The following ZNF521 variants were observed in gnomAD, a reference collection of about 807,000 sequenced individuals.
The protein encoded by ZNF521 is zinc finger protein 521.
ZNF521 carries 14 observed loss-of-function variants against 105.5 expected under a neutral mutation model. The ratio of observed to expected loss-of-function variants is 0.13; its 90% CI spans 0.09 to 0.21. The LOEUF is 0.21. ZNF521 is among the 10% of genes least tolerant of loss of function. The pLI, the probability that ZNF521 is intolerant of heterozygous loss-of-function variation, is 1.00. For missense variants in ZNF521, 1,233 were observed against 1,629.7 expected, an observed-to-expected ratio of 0.76 and a Z score of 4.19; for synonymous variants, 635 against 606.0, an observed-to-expected ratio of 1.05 and a Z score of -0.70.
At chr18:25,304,954 C>A (rs1448388520) in intron 3 of ZNF521, among the ~76,000 whole-genome samples, 1 of 152,204 alleles carries the variant, frequency 6.6e-6, no homozygotes, top group Non-Finnish European at 1.5e-5. Flanking sequence ...TTTGTGCCCT[C>A]ATAATGCTCA....
chr18:25,223,477 G>C (rs1905871745), intron 4 of ZNF521, among the ~76,000 whole-genome samples: 1 of 152,186 alleles, frequency 6.6e-6, no homozygotes, highest in African/African-American at 2.4e-5. Context: ...TCTCCCTGGG[G>C]TTTTCATTTG....
chr18:25,198,974 C>A (rs1172266675), intron 4 of ZNF521, among the ~76,000 whole-genome samples: 1 of 151,876 alleles, frequency 6.6e-6, no homozygotes, highest in African/African-American at 2.4e-5. Flanking sequence ...GACTATTTAG[C>A]TTAATATCAC....
chr18:25,327,320 G>A (rs894068392), intron 2 of ZNF521: 5 of 503,870 alleles, frequency 9.9e-6, no homozygotes, highest in Non-Finnish European at 1.3e-5. Context: ...CACTGCAAAT[G>A]ATGCATCTCA....
At chr18:25,094,926 C>T (rs1465614718) in intron 5 of ZNF521, among the ~76,000 whole-genome samples, 1 of 151,954 alleles carries the variant, frequency 6.6e-6, no homozygotes, top group Non-Finnish European at 1.5e-5. Context: ...TTGAGGGCAG[C>T]ACAGGTAGTA....
chr18:25,203,490 G>T (rs2036027402), intron 4 of ZNF521, among the ~76,000 whole-genome samples: 1 of 152,108 alleles, frequency 6.6e-6, no homozygotes, highest in African/African-American at 2.4e-5. Flanking sequence ...GGTGGTTTGT[G>T]CCTGTATTTC....
At chr18:25,149,917 C>T (rs533037001) in intron 5 of ZNF521, among the ~76,000 whole-genome samples, 1 of 152,244 alleles carries the variant, frequency 6.6e-6, no homozygotes, top group South Asian at 2.1e-4. Context: ...TGAGAACCAC[C>T]CCTCTACAGA....
intron 2 of ZNF521, among the ~76,000 whole-genome samples, chr18:25,332,986 G>A (rs1028846450): frequency 6.6e-6 from 1 of 151,798 alleles, no homozygotes; most frequent in Non-Finnish European, 1.5e-5. Flanking sequence ...TCTCAATCTC[G>A]ACTTGTCAGG....
intron 4 of ZNF521, among the ~76,000 whole-genome samples, chr18:25,208,950 C>T (rs1029063870): frequency 2.0e-5 from 3 of 152,062 alleles, no homozygotes; most frequent in African/African-American, 7.2e-5. Flanking sequence ...ACTGCCTAAG[C>T]CGAACTTAAA....
chr18:25,089,776 C>G (rs1055408202), intron 6 of ZNF521, among the ~76,000 whole-genome samples, 196 bp from the exon 7 acceptor site: 5 of 152,046 alleles, frequency 3.3e-5, no homozygotes, highest in African/African-American at 1.2e-4. Flanking sequence ...CTCTACGGAG[C>G]ACCTAATTCA....
chr18:25,261,400 A>G (rs972993624), intron 3 of ZNF521, among the ~76,000 whole-genome samples: 9 of 152,026 alleles, frequency 5.9e-5, no homozygotes, highest in South Asian at 2.1e-4. Flanking sequence ...ATTTTATGCT[A>G]TTTGCCATTC....
intron 4 of ZNF521, among the ~76,000 whole-genome samples, chr18:25,205,200 A>C (rs9965413): frequency 0.036 from 5,242 of 146,510 alleles, 320 homozygotes; most frequent in African/African-American, 0.12. Flanking sequence ...ATTATTTTTG[A>C]GCTAGGAAAA....
rs576376628 is a variant in ZNF521 at position 25,305,083 on chromosome 18, C to T, written c.220+16925G>A. Among the ~76,000 whole-genome samples the T allele has an allele frequency of 2.0e-5, 3 of 152,258 alleles. No individual in the cohort carries two copies. The South Asian group carries it at 6.2e-4, about 32-fold the overall frequency. On this transcript the variant is annotated intron_variant, in intron 3 of 7. Coordinates refer to ENST00000361524, the MANE Select transcript of ZNF521 (RefSeq NM_015461.3). ...TTTATGGTCATTTGTCGCACAAATG[C>T]ACTTCTTTAGGCACTATTTTCCTAG...
At chr18:25,138,126 C>T (rs2034771414) in intron 5 of ZNF521, among the ~76,000 whole-genome samples, 1 of 152,082 alleles carries the variant, frequency 6.6e-6, no homozygotes, top group Admixed American at 6.6e-5. Flanking sequence ...CCAGCAAGCC[C>T]AACCTTGCCC....
At chr18:25,148,292 TTAGTTA>T (rs533163373) in intron 5 of ZNF521, among the ~76,000 whole-genome samples, 37 of 152,224 alleles carry the variant, frequency 2.4e-4, no homozygotes, top group Non-Finnish European at 4.8e-4. Flanking sequence ...TATGCCATTC[TTAGTTA>T]TCCTGATTGA....
intron 3 of ZNF521, among the ~76,000 whole-genome samples, chr18:25,284,003 T>C (rs1910542101): frequency 6.8e-6 from 1 of 148,144 alleles, no homozygotes; most frequent in Non-Finnish European, 1.5e-5. Context: ...GAGAATGTCC[T>C]CCTTGTCTTT....
At chr18:25,255,624 C>G (rs1224473927) in intron 3 of ZNF521, among the ~76,000 whole-genome samples, 3 of 151,966 alleles carry the variant, frequency 2.0e-5, no homozygotes, top group African/African-American at 7.2e-5. Flanking sequence ...TTTGCTCAAT[C>G]AACAAACACC....
chr18:25,304,213 C>T (rs923783022), intron 3 of ZNF521, among the ~76,000 whole-genome samples: 1 of 152,172 alleles, frequency 6.6e-6, no homozygotes, highest in Non-Finnish European at 1.5e-5. Flanking sequence ...GCAAAAGATG[C>T]TACTATCAAA....
intron 5 of ZNF521, among the ~76,000 whole-genome samples, chr18:25,183,624 G>A (rs1247413527): frequency 6.6e-6 from 1 of 152,062 alleles, no homozygotes; most frequent in East Asian, 1.9e-4. Context: ...GGGTTATAAG[G>A]GAACTTTGCT....
chr18:25,181,989 T>A (rs1369215280), intron 5 of ZNF521, among the ~76,000 whole-genome samples: 1 of 152,236 alleles, frequency 6.6e-6, no homozygotes, highest in African/African-American at 2.4e-5. Context: ...GGAATACATA[T>A]GCTGACCTTC....
Sources: allele counts gnomAD v4.1 joint callset (sites outside exome capture counted in the v4.1 genomes callset), GRCh38; gene constraint gnomAD v4.1.1; transcripts MANE v1.5; gene names NCBI Gene and HGNC (gene_info 2026-07-23, HGNC 2026-07-21).